SAMTOR: variants seen among roughly 807,000 people sequenced by gnomAD.
SAMTOR encodes the protein UPF0532 protein C7orf60.
the SAMTOR span, among the ~76,000 whole-genome samples, chr7:112,852,830 G>C: frequency 6.6e-6 from 1 of 151,808 alleles, no homozygotes; most frequent in Admixed American, 6.6e-5. Flanking sequence ...GTCATATATT[G>C]AATAAAAACT....
chr7:112,909,565 C>T, the SAMTOR span, among the ~76,000 whole-genome samples: 17 of 151,982 alleles, frequency 1.1e-4, no homozygotes, highest in African/African-American at 4.1e-4. Flanking sequence ...TATTCTGATC[C>T]TTGGTGGGAT....
the SAMTOR span, among the ~76,000 whole-genome samples, chr7:112,830,348 ACT>A: frequency 5.9e-4 from 89 of 151,830 alleles, no homozygotes; most frequent in Non-Finnish European, 1.1e-3. Context: ...AAGTCCCTTT[ACT>A]CTGTTTTAAA....
the SAMTOR span, among the ~76,000 whole-genome samples, chr7:112,842,501 GTTC>G: frequency 6.6e-6 from 1 of 151,908 alleles, no homozygotes; most frequent in African/African-American, 2.4e-5. Flanking sequence ...GGCCTTATCA[GTTC>G]TTACCTAAGA....
chr7:112,850,896 T>C, the SAMTOR span, among the ~76,000 whole-genome samples: 2 of 152,288 alleles, frequency 1.3e-5, no homozygotes, highest in Middle Eastern at 3.4e-3. Flanking sequence ...AAAATCAACA[T>C]ACAAAAGTCA....
At chr7:112,922,711 T>A in the SAMTOR span, among the ~76,000 whole-genome samples, 4 of 150,162 alleles carry the variant, frequency 2.7e-5, no homozygotes, top group East Asian at 8.0e-4. Flanking sequence ...GAGGAGCCCC[T>A]CCGCCCGGCA....
the SAMTOR span, among the ~76,000 whole-genome samples, chr7:112,869,417 C>T: frequency 6.6e-6 from 1 of 151,938 alleles, no homozygotes; most frequent in Admixed American, 6.6e-5. Flanking sequence ...AACAAGAATA[C>T]ATCTCTACAC....
the SAMTOR span, chr7:112,822,287 C>G: frequency 6.2e-7 from 1 of 1,613,214 alleles, no homozygotes; most frequent in East Asian, 2.2e-5. Context: ...GGTTTTTCAG[C>G]TGCTTCAAAA....
At chr7:112,864,434 G>A in the SAMTOR span, among the ~76,000 whole-genome samples, 6 of 152,130 alleles carry the variant, frequency 3.9e-5, no homozygotes, top group Non-Finnish European at 8.8e-5. Context: ...GTGTTTTTAT[G>A]ATAAAGTTTA....
At chr7:112,855,267 T>G in the SAMTOR span, among the ~76,000 whole-genome samples, 1 of 152,346 alleles carries the variant, frequency 6.6e-6, no homozygotes. Flanking sequence ...ATATATACTA[T>G]GAATGTTATA....
chr7:112,926,946 C>A, the SAMTOR span, among the ~76,000 whole-genome samples: 1 of 151,896 alleles, frequency 6.6e-6, no homozygotes, highest in Admixed American at 6.6e-5. Context: ...TAAAATTGAA[C>A]AAAAAACATA....
chr7:112,920,447 T>C, the SAMTOR span, among the ~76,000 whole-genome samples: 4,771 of 149,748 alleles, frequency 0.032, 96 homozygotes, highest in African/African-American at 0.07. Flanking sequence ...ATGGGACATA[T>C]CTCAAAATAA....
chr7:112,889,056 C>T, the SAMTOR span, among the ~76,000 whole-genome samples: 1 of 152,138 alleles, frequency 6.6e-6, no homozygotes, highest in African/African-American at 2.4e-5. Flanking sequence ...GCAACATAGC[C>T]TCTTTTGTTT....
At chr7:112,925,177 C>G in the SAMTOR span, among the ~76,000 whole-genome samples, 1 of 152,178 alleles carries the variant, frequency 6.6e-6, no homozygotes, top group Non-Finnish European at 1.5e-5. Context: ...TGAAACAATA[C>G]TTTAATTAAT....
At chr7:112,821,704 G>C in the SAMTOR span, 2 of 1,534,210 alleles carry the variant, frequency 1.3e-6, no homozygotes, top group South Asian at 1.3e-5. Flanking sequence ...TAAGCAATTA[G>C]TTTAGGAGCC....
the SAMTOR span, among the ~76,000 whole-genome samples, chr7:112,931,125 G>A: frequency 6.6e-6 from 1 of 152,208 alleles, no homozygotes; most frequent in Non-Finnish European, 1.5e-5. Context: ...TCACCCAGAA[G>A]TTTCATTTAA....
At chr7:112,922,524 C>T in the SAMTOR span, among the ~76,000 whole-genome samples, 9 of 151,970 alleles carry the variant, frequency 5.9e-5, no homozygotes, top group South Asian at 2.1e-4. Context: ...CGCCTCTTCC[C>T]GGCCGCCATC....
chr7:112,896,298 A>G, the SAMTOR span, among the ~76,000 whole-genome samples: 3 of 152,202 alleles, frequency 2.0e-5, no homozygotes, highest in African/African-American at 7.2e-5. Flanking sequence ...ATTTGCACTT[A>G]ATTTACTACA....
chr7:112,820,023 A>G, the SAMTOR span: 2 of 152,516 alleles, frequency 1.3e-5, no homozygotes, highest in Non-Finnish European at 1.5e-5. Flanking sequence ...AAGAACAGTC[A>G]ATCCTAAATA....
the SAMTOR span, among the ~76,000 whole-genome samples, chr7:112,826,412 G>C: frequency 6.6e-6 from 1 of 152,080 alleles, no homozygotes; most frequent in Non-Finnish European, 1.5e-5. Context: ...TGTCTTTCAA[G>C]GAATTGGTCC....
Sources: gnomAD v4.1 joint callset for allele counts (sites outside exome capture counted in the v4.1 genomes callset) on GRCh38, gnomAD v4.1.1 for gene constraint, MANE v1.5 for transcripts, NCBI Gene and HGNC (gene_info 2026-07-23, HGNC 2026-07-21) for gene names.